PARVB: variants seen among roughly 807,000 people sequenced by gnomAD.
PARVB encodes parvin beta, also known as beta-parvin.
In PARVB, 46 loss-of-function variants were observed where a neutral mutation model predicts 47.0. That is an observed-to-expected ratio of 0.98 (90% CI 0.77 to 1.25). The LOEUF is 1.25. PARVB is among the 50% of genes most tolerant of loss of function. The pLI is 0.00. For missense variants in PARVB, 473 were observed against 471.6 expected (o/e 1.00, Z -0.03); for synonymous variants, 196 against 196.3 (o/e 1.00, Z 0.01).
At chr22:44,094,137 A>G (rs1050113316) in intron 2 of PARVB, 120 bp downstream of exon 2, 1 of 557,478 alleles carries the variant, frequency 1.8e-6, no homozygotes, top group African/African-American at 1.9e-5. Context: ...TGCTGGGGGC[A>G]TTTGGGAGTC....
intron 8 of PARVB, 194 bp from the exon 9 acceptor site, chr22:44,147,667 G>T (rs777296034): frequency 3.2e-5 from 24 of 748,328 alleles, no homozygotes; most frequent in Non-Finnish European, 4.9e-5. Context: ...AAGCGCTCTT[G>T]CTCGCCTTGG....
At chr22:44,045,811 C>G (rs905151777) in intron 1 of PARVB, among the ~76,000 whole-genome samples, 3 of 152,236 alleles carry the variant, frequency 2.0e-5, no homozygotes, top group African/African-American at 7.2e-5. Context: ...ACTACACTGT[C>G]TCTATCACTG....
At chr22:44,151,920 T>A (rs1473965405) in intron 10 of PARVB, 1 of 251,710 alleles carries the variant, frequency 4.0e-6, no homozygotes, top group Non-Finnish European at 7.9e-6. Flanking sequence ...TTAGCATTCC[T>A]TGGCTTGTAC....
chr22:44,008,619 G>A (rs2050490854), intron 2 of PARVB, among the ~76,000 whole-genome samples: 1 of 152,080 alleles, frequency 6.6e-6, no homozygotes, highest in African/African-American at 2.4e-5. Flanking sequence ...TAGATGCTTG[G>A]GTCTGCCACT....
chr22:44,078,769 G>A (rs2051833212), intron 1 of PARVB, among the ~76,000 whole-genome samples: 8 of 152,160 alleles, frequency 5.3e-5, no homozygotes. Flanking sequence ...CTGTCGCCCA[G>A]GCTGGAGTGC....
rs1266771734 is a variant in PARVB, at chr22:44,163,867, G to A, written c.955G>A (p.Val319Met). ...PESFDQKVHN[V>M]SFAFELMLDG... The stretch of plus-strand genomic sequence containing the variant: ...CCCCCTTCCTTGGCAGGTCCACAAT[G>A]TGTCCTTCGCCTTTGAGCTGATGCT... Residue 319 changes from valine to methionine, a missense_variant, in exon 12 of 13, where the codon GTG becomes ATG. By Grantham distance (21) the Val-to-Met change is conservative. Coordinates refer to ENST00000338758, the MANE Select transcript of PARVB (RefSeq NM_013327.5). 1 of 1,608,832 alleles carries A rather than the reference G, an allele frequency of 6.2e-7. No individual in the cohort carries two copies. Among genetic ancestry groups the A allele is most frequent in the South Asian group, 1.1e-5 (1 of 89,468 alleles).
chr22:44,051,891 G>A lies in PARVB; in HGVS notation c.112+27440G>A, dbSNP rs540527952. Among the ~76,000 whole-genome samples the A allele has an allele frequency of 3.3e-5, 5 of 152,284 alleles. No homozygotes were observed. In the East Asian group the frequency reaches 9.7e-4, roughly 29 times the overall value. ...AGGAGGCAGGACACAGACAGACACG[G>A]GACACAGAGGCTGGACAGAGATTGG... On this transcript the variant is annotated intron_variant, in intron 1 of 12. Transcript: ENST00000338758.
intron 1 of PARVB, among the ~76,000 whole-genome samples, chr22:44,080,967 G>A (rs752232221): frequency 2.6e-5 from 4 of 152,192 alleles, no homozygotes; most frequent in African/African-American, 4.8e-5. Context: ...TGGATGCGGG[G>A]AGTGGGGAAC....
At chr22:44,107,409 G>C (rs1186471882) in intron 3 of PARVB, 1 of 152,218 alleles carries the variant, frequency 6.6e-6, no homozygotes, top group East Asian at 1.9e-4. Context: ...GCCATATAAG[G>C]AGAAACCTAG....
At chr22:44,030,691 T>G (rs1305493343) in intron 1 of PARVB, among the ~76,000 whole-genome samples, 1 of 152,122 alleles carries the variant, frequency 6.6e-6, no homozygotes, top group Non-Finnish European at 1.5e-5. Flanking sequence ...CACGCTGTTT[T>G]CTAGCGGGCT....
chr22:44,099,616 A>C (rs2052393990), intron 2 of PARVB, among the ~76,000 whole-genome samples: 2 of 152,068 alleles, frequency 1.3e-5, no homozygotes, highest in African/African-American at 4.8e-5. Flanking sequence ...CATGGAATGT[A>C]CCAAACATTT....
chr22:44,066,549 C>G (rs183805537), intron 1 of PARVB, among the ~76,000 whole-genome samples: 1 of 152,204 alleles, frequency 6.6e-6, no homozygotes, highest in Non-Finnish European at 1.5e-5. Context: ...GTGTTTCTCA[C>G]CTTGGCACCC....
chr22:44,070,982 A>ACCC (rs2051641804), intron 1 of PARVB, among the ~76,000 whole-genome samples: 1 of 151,138 alleles, frequency 6.6e-6, no homozygotes, highest in African/African-American at 2.4e-5. Flanking sequence ...CCAGACCAGG[A>ACCC]CCCCCCGGCC....
At chr22:44,163,203 C>G (rs1388617323) in intron 11 of PARVB, among the ~76,000 whole-genome samples, 1 of 152,220 alleles carries the variant, frequency 6.6e-6, no homozygotes, top group African/African-American at 2.4e-5. Flanking sequence ...GGCGCAGCGG[C>G]TCACGCCTGT....
At chr22:44,147,331 T>TTTG in intron 8 of PARVB, 1 of 249,606 alleles carries the variant, frequency 4.0e-6, no homozygotes, top group South Asian at 5.3e-5. Flanking sequence ...AATGATCCTG[T>TTTG]TTGCACTTGG....
chr22:44,143,203 C>G (rs1003715360), intron 8 of PARVB: 1 of 152,648 alleles, frequency 6.6e-6, no homozygotes, highest in Admixed American at 6.5e-5. Flanking sequence ...TGCCTTAGTT[C>G]TTTCTGTACT....
intron 11 of PARVB, among the ~76,000 whole-genome samples, chr22:44,162,111 CT>C (rs2054066775): frequency 6.6e-6 from 1 of 152,216 alleles, no homozygotes; most frequent in Non-Finnish European, 1.5e-5. Context: ...TCATTCGCCC[CT>C]TTGCTTCTCC....
intron 12 of PARVB, among the ~76,000 whole-genome samples, chr22:44,167,534 C>A (rs1238687276): frequency 6.6e-6 from 1 of 152,030 alleles, no homozygotes; most frequent in Non-Finnish European, 1.5e-5. Context: ...GAGGTGATGG[C>A]CCCCACCCCT....
intron 1 of PARVB, among the ~76,000 whole-genome samples, chr22:44,035,039 A>G (rs531465955): frequency 6.6e-6 from 1 of 152,232 alleles, no homozygotes; most frequent in East Asian, 1.9e-4. Flanking sequence ...CTCCCACAAA[A>G]CTTAACTAGT....
Sources: allele counts gnomAD v4.1 joint callset (sites outside exome capture counted in the v4.1 genomes callset), GRCh38; gene constraint gnomAD v4.1.1; transcripts MANE v1.5; gene names NCBI Gene and HGNC (gene_info 2026-07-23, HGNC 2026-07-21).